Variants in P2RY14 observed in about 807,000 individuals in gnomAD.
The protein encoded by P2RY14 is P2Y purinoceptor 14.
A neutral mutation model predicts 0.9 loss-of-function variants in P2RY14; 2 were observed. The observed-to-expected ratio is 2.16, with a 90% CI of 0.88 to 6.79. The LOEUF is 6.79. Ranked by LOEUF, P2RY14 falls within the 30% of genes most tolerant of loss-of-function variation. The pLI is 0.05. For missense variants in P2RY14, 378 were observed against 400.1 expected (o/e 0.94, Z 0.47); for synonymous variants, 158 against 147.2 (o/e 1.07, Z -0.53).
intron 1 of P2RY14, among the ~76,000 whole-genome samples, chr3:151,226,273 G>A (rs1179873405): frequency 6.6e-6 from 1 of 152,214 alleles, no homozygotes; most frequent in Non-Finnish European, 1.5e-5. Context: ...GAGTTTTGGG[G>A]TGAGAGAGCT....
At chr3:151,278,068 A>G (rs1275360957) in intron 1 of P2RY14, among the ~76,000 whole-genome samples, 1 of 152,232 alleles carries the variant, frequency 6.6e-6, no homozygotes, top group Non-Finnish European at 1.5e-5. Context: ...CTAAATCATA[A>G]ATGATAATAT....
At chr3:151,220,473 T>A (rs1266474050) in intron 1 of P2RY14, among the ~76,000 whole-genome samples, 1 of 152,100 alleles carries the variant, frequency 6.6e-6, no homozygotes, top group Non-Finnish European at 1.5e-5. Flanking sequence ...CGTGATATGG[T>A]TTGGCTCTGT....
intron 1 of P2RY14, among the ~76,000 whole-genome samples, chr3:151,252,086 A>G (rs997369296): frequency 1.3e-5 from 2 of 152,028 alleles, no homozygotes; most frequent in Non-Finnish European, 2.9e-5. Context: ...ACCCTTTCCT[A>G]TGGGAGGTTA....
In P2RY14 at chr3:151,213,059, A is replaced by G. The variant is rs1727443168; in HGVS notation, c.*241T>C. On this transcript the variant is annotated 3_prime_UTR_variant, in exon 3 of 3. Transcript: ENST00000309170. Reference sequence around the variant, plus strand: ...TAATATAATAGAATTGAATAATTGTATGTATTAATTTTTTATTAATAGAGA... The same window carrying G: ...TAATATAATAGAATTGAATAATTGTGTGTATTAATTTTTTATTAATAGAGA... 3.7e-6 allele frequency: 1 copy of G among 270,830 alleles called. No homozygotes were observed. Among genetic ancestry groups the G allele is most frequent in the Non-Finnish European group, 6.8e-6 (1 of 147,180 alleles). The allele number at this position is 270,830 out of a possible 1,614,324, so 16.8% of individuals were successfully genotyped here. A position where few individuals can be genotyped will look rare whatever the true frequency, so the allele number is the denominator to read the frequency against.
intron 1 of P2RY14, among the ~76,000 whole-genome samples, chr3:151,246,735 A>G (rs2149420022): frequency 6.6e-6 from 1 of 152,360 alleles, no homozygotes; most frequent in Middle Eastern, 3.4e-3. Context: ...CTAAAACACC[A>G]AAAGCAATGG....
intron 1 of P2RY14, among the ~76,000 whole-genome samples, chr3:151,220,661 C>T (rs1483679070): frequency 6.6e-6 from 1 of 152,166 alleles, no homozygotes; most frequent in Non-Finnish European, 1.5e-5. Flanking sequence ...AAGCTCTCTT[C>T]TCTTGTCTGC....
intron 2 of P2RY14, among the ~76,000 whole-genome samples, chr3:151,216,587 C>T (rs1330346387): frequency 1.3e-5 from 2 of 152,132 alleles, no homozygotes; most frequent in African/African-American, 2.4e-5. Flanking sequence ...TTGATTTTGC[C>T]AGTCTATGGA....
chr3:151,230,127 G>A (rs886293248), intron 1 of P2RY14, among the ~76,000 whole-genome samples: 10 of 152,166 alleles, frequency 6.6e-5, no homozygotes, highest in East Asian at 1.9e-4. Context: ...CCGCCACCAC[G>A]CCTGGCTAAT....
chr3:151,247,448 T>C (rs561554095), intron 1 of P2RY14, among the ~76,000 whole-genome samples: 1 of 151,888 alleles, frequency 6.6e-6, no homozygotes, highest in Non-Finnish European at 1.5e-5. Context: ...AATGATGAGT[T>C]CATGTCCTTT....
chr3:151,232,746 T>C lies in P2RY14; in HGVS notation c.-132-13104A>G, dbSNP rs150862215. On this transcript the variant is annotated intron_variant, in intron 1 of 2. Coordinates refer to ENST00000309170, the MANE Select transcript of P2RY14 (RefSeq NM_014879.4). ...GTGGGAGCTAAATCATGAGAACTCA[T>C]GGACACAAAGGGAACAGTAGACACT... 5.1e-3 allele frequency among the ~76,000 whole-genome samples: 778 copies of C among 152,180 alleles called. 12 individuals are homozygous for C. The highest frequency in any genetic ancestry group is 0.017 in the African/African-American group (725 of 41,512).
Position 151,238,997 on chromosome 3 carries a change from A to G in P2RY14, c.-132-19355T>C, listed in dbSNP as rs188532043. On this transcript the variant is annotated intron_variant, in intron 1 of 2. Coordinates refer to ENST00000309170, the MANE Select transcript of P2RY14 (RefSeq NM_014879.4). ...ATGAACTGAGAGACAATTTTTGACAATGATAAAATTCAAGCTTTCAAACTG... is the reference window on the plus strand; with the variant it reads ...ATGAACTGAGAGACAATTTTTGACAGTGATAAAATTCAAGCTTTCAAACTG... 3.6e-3 allele frequency among the ~76,000 whole-genome samples: 556 copies of G among 152,364 alleles called. 4 individuals carry two copies. Among genetic ancestry groups the G allele is most frequent in the African/African-American group, 0.013 (526 of 41,588 alleles).
chr3:151,273,141 T>C (rs1030775428), intron 1 of P2RY14, among the ~76,000 whole-genome samples: 1 of 152,116 alleles, frequency 6.6e-6, no homozygotes, highest in African/African-American at 2.4e-5. Context: ...TTGGCTTCCA[T>C]TGTTCTTATA....
At chr3:151,236,680 G>A (rs761079512) in intron 1 of P2RY14, among the ~76,000 whole-genome samples, 12 of 152,226 alleles carry the variant, frequency 7.9e-5, no homozygotes, top group Non-Finnish European at 1.3e-4. Context: ...CTAAAAGTGT[G>A]TGTGAATGAA....
intron 1 of P2RY14, among the ~76,000 whole-genome samples, chr3:151,232,192 C>G (rs928384095): frequency 6.6e-6 from 1 of 152,118 alleles, no homozygotes; most frequent in African/African-American, 2.4e-5. Flanking sequence ...ATTTTCTTTT[C>G]TCTTTCTATA....
At chr3:151,276,660 A>T (rs186070512) in intron 1 of P2RY14, among the ~76,000 whole-genome samples, 32 of 152,290 alleles carry the variant, frequency 2.1e-4, no homozygotes, top group African/African-American at 7.5e-4. Context: ...ACTCAGAAGC[A>T]CTTTATAGAG....
At chr3:151,219,195 C>T (rs745841538) in intron 2 of P2RY14, among the ~76,000 whole-genome samples, 4 of 152,112 alleles carry the variant, frequency 2.6e-5, no homozygotes, top group Non-Finnish European at 5.9e-5. Context: ...AGTGTAATAT[C>T]TTAGGATTGT....
intron 2 of P2RY14, among the ~76,000 whole-genome samples, chr3:151,218,663 T>C (rs1243601646): frequency 1.3e-5 from 2 of 151,546 alleles, no homozygotes; most frequent in Non-Finnish European, 1.5e-5. Context: ...GGTCAGGAGA[T>C]TGAGACCAGC....
chr3:151,250,755 C>G (rs1409563627), intron 1 of P2RY14, among the ~76,000 whole-genome samples: 1 of 152,178 alleles, frequency 6.6e-6, no homozygotes, highest in African/African-American at 2.4e-5. Context: ...GCTTAAGACC[C>G]TACTTTCAGT....
chr3:151,262,801 T>G (rs1489980907), intron 1 of P2RY14, among the ~76,000 whole-genome samples: 1 of 152,170 alleles, frequency 6.6e-6, no homozygotes, highest in East Asian at 1.9e-4. Flanking sequence ...CTGTTCTAAA[T>G]TCCTTATTTA....
Sources: gnomAD v4.1 joint callset for allele counts (sites outside exome capture counted in the v4.1 genomes callset) on GRCh38, gnomAD v4.1.1 for gene constraint, MANE v1.5 for transcripts, NCBI Gene and HGNC (gene_info 2026-07-23, HGNC 2026-07-21) for gene names.